TECRL: variants seen among roughly 807,000 people sequenced by gnomAD.
The protein encoded by TECRL is trans-2,3-enoyl-CoA reductase-like.
TECRL carries 63 observed loss-of-function variants against 52.8 expected under a neutral mutation model. The observed-to-expected ratio is 1.19, with a 90% CI of 0.97 to 1.47. The LOEUF (loss-of-function observed/expected upper bound fraction) is 1.47, where lower values mean the gene tolerates loss of function less well. Ranked by LOEUF, TECRL falls within the 40% of genes most tolerant of loss-of-function variation. The pLI, the probability that TECRL is intolerant of heterozygous loss-of-function variation, is 0.00. For missense variants in TECRL, 482 were observed against 429.6 expected, an observed-to-expected ratio of 1.12 and a Z score of -1.08; for synonymous variants, 164 against 141.9, an observed-to-expected ratio of 1.16 and a Z score of -1.10.
chr4:64,311,389 C>A (rs1395433988), intron 5 of TECRL, among the ~76,000 whole-genome samples: 1 of 152,124 alleles, frequency 6.6e-6, no homozygotes, highest in African/African-American at 2.4e-5. Context: ...GTCAGACAAA[C>A]AAAAGCAGAA....
intron 5 of TECRL, 98 bp from the exon 6 acceptor site, chr4:64,310,029 C>T: frequency 1.6e-6 from 1 of 632,790 alleles, no homozygotes. Context: ...AATATGCTAG[C>T]TATTGGGAAA....
chr4:64,294,190 T>C (rs1287316154), intron 8 of TECRL, among the ~76,000 whole-genome samples: 2 of 152,008 alleles, frequency 1.3e-5, no homozygotes, highest in African/African-American at 4.8e-5. Context: ...TTTCACCATG[T>C]TGGCCAGACT....
At position 64,305,044 on chromosome 4, in the gene TECRL, T is replaced by C. The variant is rs578169130; in HGVS notation, c.730+122A>G. ...TACATAAACATTTAAAGAAATATGA[T>C]ATGAAAGCAATTTAAAATGAATTGT... is the stretch of plus-strand genomic sequence containing the variant. On this transcript the variant is annotated intron_variant, in intron 7 of 11. Transcript: ENST00000381210. 1.0e-4 allele frequency: 66 copies of C among 661,864 alleles called. No individual in the cohort carries two copies. The African/African-American group carries it at 1.0e-3, about 10-fold the overall frequency. The allele number at this position is 661,864 out of a possible 1,614,324, so 41.0% of individuals were successfully genotyped here.
In TECRL at chr4:64,314,755, CA is replaced by C. The variant is rs751039402; in HGVS notation, c.443del (p.Leu148TrpfsTer9). ...TTAGCAGAGGTCCTGTGTATTCAGC[CA>C]AAAACACCTGAAAATAAAACATGAT... Reference protein sequence around the residue: ...GQQVSWTTVFLAEYTGPLLIY... With the variant: ...GQQVSWTTVFXAEYTGPLLIY... On this transcript the variant is annotated frameshift_variant, in exon 5 of 12. Coordinates refer to ENST00000381210, the MANE Select transcript of TECRL (RefSeq NM_001010874.5). LOFTEE classifies it high-confidence loss of function. 1.9e-6 allele frequency: 3 copies of C among 1,601,294 alleles called. No individual in the cohort carries two copies. Among genetic ancestry groups the C allele is most frequent in the Non-Finnish European group, 2.6e-6 (3 of 1,168,858 alleles).
At chr4:64,353,886 A>T (rs1270194220) in intron 2 of TECRL, among the ~76,000 whole-genome samples, 1 of 152,150 alleles carries the variant, frequency 6.6e-6, no homozygotes, top group Non-Finnish European at 1.5e-5. Context: ...AACGATAAAA[A>T]GCCCTCAAAG....
In TECRL at chr4:64,318,186, C is replaced by G. The variant is rs1047339594; in HGVS notation, c.436-3423G>C. On this transcript the variant is annotated intron_variant, in intron 4 of 11. Coordinates refer to ENST00000381210, the MANE Select transcript of TECRL (RefSeq NM_001010874.5). ...TTAGAAATATGCAGGTATACAAAGACCAAACAGACTGTGAGCAAAACCAAG... is the reference window on the plus strand; with the variant it reads ...TTAGAAATATGCAGGTATACAAAGAGCAAACAGACTGTGAGCAAAACCAAG... Among the ~76,000 whole-genome samples, 4 of 151,946 alleles carry G rather than the reference C, an allele frequency of 2.6e-5. No homozygotes were observed. The South Asian group carries it at 8.3e-4, about 31-fold the overall frequency.
At chr4:64,303,603 AAT>A (rs1296531279) in intron 7 of TECRL, among the ~76,000 whole-genome samples, 11 of 151,792 alleles carry the variant, frequency 7.2e-5, no homozygotes, top group Admixed American at 7.2e-4. Flanking sequence ...GTAAAGTGGG[AAT>A]ACAAACAGTA....
At chr4:64,380,157 A>G (rs1473166913) in intron 1 of TECRL, among the ~76,000 whole-genome samples, 1 of 152,058 alleles carries the variant, frequency 6.6e-6, no homozygotes. Context: ...AGTGATGTTG[A>G]CCACTTTGTT....
intron 8 of TECRL, 145 bp from the exon 9 acceptor site, chr4:64,289,912 A>AT (rs575934901): frequency 1.5e-4 from 74 of 479,390 alleles, no homozygotes; most frequent in South Asian, 2.7e-4. Context: ...ATAAAGAGAA[A>AT]TTTTTTTTAA....
chr4:64,359,459 T>A (rs1721019843), intron 2 of TECRL, among the ~76,000 whole-genome samples: 1 of 151,990 alleles, frequency 6.6e-6, no homozygotes, highest in Non-Finnish European at 1.5e-5. Context: ...GCATTTGTAA[T>A]GTGTTGCTCA....
At chr4:64,366,750 C>G (rs1721622953) in intron 2 of TECRL, among the ~76,000 whole-genome samples, 1 of 152,078 alleles carries the variant, frequency 6.6e-6, no homozygotes, top group Non-Finnish European at 1.5e-5. Context: ...CACCATATAA[C>G]AGATGTTGGC....
intron 4 of TECRL, 141 bp from the exon 5 acceptor site, chr4:64,314,904 ACG>A (rs1425146761): frequency 3.1e-6 from 2 of 654,108 alleles, no homozygotes; most frequent in East Asian, 5.6e-5. Flanking sequence ...ATTGCAAATA[ACG>A]ACTTCCTTGG....
chr4:64,357,468 C>T (rs954999606), intron 2 of TECRL, among the ~76,000 whole-genome samples: 3 of 151,236 alleles, frequency 2.0e-5, no homozygotes, highest in East Asian at 3.9e-4. Flanking sequence ...AATAAATGAT[C>T]GTGGAAACAA....
At chr4:64,292,011 C>A (rs975247988) in intron 8 of TECRL, among the ~76,000 whole-genome samples, 1 of 152,090 alleles carries the variant, frequency 6.6e-6, no homozygotes, top group African/African-American at 2.4e-5. Context: ...ATTTTAAGCA[C>A]TGGCTTTTAC....
chr4:64,404,341 C>T (rs1047348071), intron 1 of TECRL, among the ~76,000 whole-genome samples: 1 of 151,834 alleles, frequency 6.6e-6, no homozygotes, highest in Non-Finnish European at 1.5e-5. Context: ...AACTCAGGCT[C>T]TTAGAGTTCT....
Position 64,322,764 on chromosome 4 carries a change from GGTAAT to G in TECRL, c.355_359del (p.Ile119HisfsTer30), listed in dbSNP as rs1238083026. 6.2e-7 allele frequency: 1 copy of G among 1,609,252 alleles called. No individual in the cohort carries two copies. Among genetic ancestry groups the G allele is most frequent in the Non-Finnish European group, 8.5e-7 (1 of 1,177,760 alleles). ...TGGAGGAAGCTGCAATACTTTGAATGGTAATGTAGTCCTTCAAAAAAGGCCCGCCT... is the reference window on the plus strand; with the variant it reads ...TGGAGGAAGCTGCAATACTTTGAATGGTAGTCCTTCAAAAAAGGCCCGCCT... On this transcript the variant is annotated frameshift_variant, in exon 4 of 12. Transcript: ENST00000381210. LOFTEE classifies it high-confidence loss of function.
intron 6 of TECRL, among the ~76,000 whole-genome samples, chr4:64,305,993 G>A (rs564267219): frequency 2.6e-5 from 4 of 152,192 alleles, no homozygotes; most frequent in Admixed American, 2.6e-4. Context: ...ATTCTTCTTG[G>A]TCGTGGGACA....
At chr4:64,370,495 T>G (rs1721902303) in intron 2 of TECRL, among the ~76,000 whole-genome samples, 1 of 136,598 alleles carries the variant, frequency 7.3e-6, no homozygotes, top group African/African-American at 2.6e-5. Flanking sequence ...GTTTTTTTCA[T>G]ATCTTTACCT....
chr4:64,318,528 T>C (rs1341527420), intron 4 of TECRL, among the ~76,000 whole-genome samples: 4 of 151,972 alleles, frequency 2.6e-5, no homozygotes, highest in Non-Finnish European at 5.9e-5. Context: ...AATAAAAATA[T>C]GATAATAATT....
Sources: allele counts gnomAD v4.1 joint callset (sites outside exome capture counted in the v4.1 genomes callset), GRCh38; gene constraint gnomAD v4.1.1; transcripts MANE v1.5; gene names NCBI Gene and HGNC (gene_info 2026-07-23, HGNC 2026-07-21).